The following ASAP2 variants were observed in gnomAD, a reference collection of about 807,000 sequenced individuals.
The protein encoded by ASAP2 is ArfGAP with SH3 domain, ankyrin repeat and PH domain 2.
In ASAP2, 45 loss-of-function variants were observed where a neutral mutation model predicts 131.4. That is an observed-to-expected ratio of 0.34 (90% CI 0.27 to 0.44). ASAP2 has a LOEUF of 0.44. ASAP2 is among the 20% of genes least tolerant of loss of function. The pLI, the probability that ASAP2 is intolerant of heterozygous loss-of-function variation, is 1.00. For missense variants in ASAP2, 1,011 were observed against 1,297.0 expected (o/e 0.78, Z 3.39); for synonymous variants, 510 against 503.0 (o/e 1.01, Z -0.19).
intron 1 of ASAP2, among the ~76,000 whole-genome samples, chr2:9,265,892 C>G (rs918236589): frequency 1.3e-5 from 2 of 152,218 alleles, no homozygotes; most frequent in African/African-American, 2.4e-5. Context: ...CCTGCCTCAG[C>G]CTCCCGAGTA....
chr2:9,298,638 G>A (rs1056802145), intron 3 of ASAP2, among the ~76,000 whole-genome samples: 1 of 152,198 alleles, frequency 6.6e-6, no homozygotes, highest in African/African-American at 2.4e-5. Context: ...GCATGGTGGG[G>A]TCTCATCACC....
At chr2:9,305,548 C>A (rs113346114) in intron 3 of ASAP2, among the ~76,000 whole-genome samples, 1 of 27,640 alleles carries the variant, frequency 3.6e-5, no homozygotes. Context: ...TAGTGGGGTA[C>A]AGATATTGGT....
At chr2:9,237,562 C>A (rs1663640110) in intron 1 of ASAP2, among the ~76,000 whole-genome samples, 1 of 152,038 alleles carries the variant, frequency 6.6e-6, no homozygotes, top group Non-Finnish European at 1.5e-5. Context: ...CAGGTACATG[C>A]CACCATGCCT....
At chr2:9,350,779 CT>C in intron 11 of ASAP2, 28 bp from the exon 12 acceptor site, 3 of 1,599,464 alleles carry the variant, frequency 1.9e-6, no homozygotes, top group South Asian at 2.2e-5. Context: ...CAACCCCAAC[CT>C]TTTTTGTTGT....
chr2:9,279,169 C>G (rs765561824), intron 1 of ASAP2, 148 bp from the exon 2 acceptor site: 95 of 691,422 alleles, frequency 1.4e-4, no homozygotes, highest in African/African-American at 2.1e-4. Context: ...AAACAGGTGC[C>G]GAGGGACCTG....
At chr2:9,403,142 G>T in intron 27 of ASAP2, 111 bp from the exon 28 acceptor site, 2 of 829,528 alleles carry the variant, frequency 2.4e-6, no homozygotes, top group Non-Finnish European at 1.9e-6. Flanking sequence ...TGTCGGAAGA[G>T]TCTTCTGAAC....
intron 20 of ASAP2, among the ~76,000 whole-genome samples, chr2:9,384,306 G>A (rs1309339703): frequency 2.0e-5 from 3 of 152,230 alleles, no homozygotes; most frequent in Non-Finnish European, 4.4e-5. Flanking sequence ...AGGACAGCCA[G>A]CCTGTGAGGC....
chr2:9,393,061 C>G (rs1187984658), intron 23 of ASAP2, among the ~76,000 whole-genome samples: 3 of 152,196 alleles, frequency 2.0e-5, no homozygotes, highest in African/African-American at 7.2e-5. Context: ...TGCCCAGCAG[C>G]CCGATGAAGT....
At chr2:9,253,853 G>A (rs1249014108) in intron 1 of ASAP2, among the ~76,000 whole-genome samples, 1 of 151,930 alleles carries the variant, frequency 6.6e-6, no homozygotes, top group Non-Finnish European at 1.5e-5. Context: ...TCCCAGGTCC[G>A]AAAATAGTAC....
Position 9,405,655 on chromosome 2 carries a change from A to G in ASAP2, c.*2328A>G, listed in dbSNP as rs1161197850. The stretch of plus-strand genomic sequence containing the variant: ...TTGTTAACTAGTCATTTGACTGGAA[A>G]AAAATAAAATACTTTTAAATGGACA... On this transcript the variant is annotated 3_prime_UTR_variant, in exon 28 of 28. Coordinates refer to ENST00000281419, the MANE Select transcript of ASAP2 (RefSeq NM_003887.3). 3 of 152,646 alleles carry G rather than the reference A, an allele frequency of 2.0e-5. No individual in the cohort carries two copies. The highest frequency in any genetic ancestry group is 4.4e-5 in the Non-Finnish European group (3 of 68,058). 9.5% of individuals were successfully genotyped at this position (152,646 alleles called of 1,614,324 possible). A position where few individuals can be genotyped will look rare whatever the true frequency, so the allele number is the denominator to read the frequency against.
chr2:9,393,538 G>A lies in ASAP2; in HGVS notation c.2575G>A (p.Ala859Thr), dbSNP rs768042053. 4.4e-6 allele frequency: 7 copies of A among 1,600,322 alleles called. No homozygotes were observed. In the African/African-American group the frequency reaches 8.1e-5, roughly 18 times the overall value. Reference protein sequence around the residue: ...PVAKTPSVMEALSQPSKPAPP... With the variant: ...PVAKTPSVMETLSQPSKPAPP... ...TGCCAAGACGCCCAGCGTAATGGAA[G>A]CCTTGAGCCAGCCGAGCAAGCCTGC... Residue 859 changes from alanine to threonine, a missense_variant, in exon 24 of 28, where the codon GCC becomes ACC. Transcript: ENST00000281419.
chr2:9,353,422 T>A (rs1242994398), intron 12 of ASAP2, among the ~76,000 whole-genome samples: 1 of 152,064 alleles, frequency 6.6e-6, no homozygotes, highest in Non-Finnish European at 1.5e-5. Flanking sequence ...TGCAGTATGG[T>A]GACATGTGCC....
intron 1 of ASAP2, among the ~76,000 whole-genome samples, chr2:9,235,000 T>C (rs1663441337): frequency 6.6e-6 from 1 of 152,166 alleles, no homozygotes; most frequent in African/African-American, 2.4e-5. Context: ...TAATGATGAC[T>C]GGTGCAAGGA....
chr2:9,388,127 T>A (rs1007779275), intron 21 of ASAP2, among the ~76,000 whole-genome samples, 167 bp from the exon 22 acceptor site: 2 of 152,188 alleles, frequency 1.3e-5, no homozygotes, highest in Admixed American at 1.3e-4. Context: ...ATTTTCACTC[T>A]TGCAGCTCTC....
intron 15 of ASAP2, among the ~76,000 whole-genome samples, chr2:9,360,550 A>G (rs998729331): frequency 6.6e-6 from 1 of 152,214 alleles, no homozygotes; most frequent in African/African-American, 2.4e-5. Flanking sequence ...TTTAACAGTC[A>G]ACTCTGGAGA....
At chr2:9,375,006 C>A in intron 17 of ASAP2, 62 bp downstream of exon 17, 1 of 1,467,304 alleles carries the variant, frequency 6.8e-7, no homozygotes, top group Non-Finnish European at 9.1e-7. Context: ...GTGGCTCATG[C>A]CTGGGATCCA....
chr2:9,299,538 T>C (rs1668354070), intron 3 of ASAP2, among the ~76,000 whole-genome samples: 1 of 151,978 alleles, frequency 6.6e-6, no homozygotes, highest in South Asian at 2.1e-4. Context: ...AAAGAAGAAA[T>C]TGAGAGTCAG....
chr2:9,388,442 A>G lies in ASAP2; in HGVS notation c.2279A>G (p.Asn760Ser). The change falls in exon 22 of 28, where the codon AAT (asparagine) becomes AGT (serine). Residue 760 changes from asparagine (N) to serine (S), a missense_variant. Around this residue, in one of 2 missense-constraint regions of ASAP2, gnomAD observed 652 missense variants for 698.9 expected, o/e 0.93. Coordinates refer to ENST00000281419, the MANE Select transcript of ASAP2 (RefSeq NM_003887.3). Reference protein sequence around the residue: ...QRAFMPSILQNETYGALLSGS... With the variant: ...QRAFMPSILQSETYGALLSGS... ...GCTTTCATGCCCAGCATCTTGCAGA[A>G]TGAGACTTACGGAGCCCTCCTGAGT... is the stretch of plus-strand genomic sequence containing the variant. 1 of 1,614,148 alleles carries G rather than the reference A, an allele frequency of 6.2e-7. No homozygotes were observed. The highest frequency in any genetic ancestry group is 8.5e-7 in the Non-Finnish European group (1 of 1,180,020).
At chr2:9,222,191 T>C (rs1662473204) in intron 1 of ASAP2, among the ~76,000 whole-genome samples, 1 of 152,260 alleles carries the variant, frequency 6.6e-6, no homozygotes, top group Non-Finnish European at 1.5e-5. Flanking sequence ...TGAACTTCGG[T>C]ATTAAAAATC....
Sources: allele counts gnomAD v4.1 joint callset (sites outside exome capture counted in the v4.1 genomes callset), GRCh38; gene constraint gnomAD v4.1.1; regional missense constraint gnomAD v4.1.1; transcripts MANE v1.5; gene names NCBI Gene and HGNC (gene_info 2026-07-23, HGNC 2026-07-21).